The following CHST8 variants were observed in gnomAD, a reference collection of about 807,000 sequenced individuals.
CHST8 encodes carbohydrate sulfotransferase 8, also known as GALNAC-4-ST1.
In CHST8, 10 loss-of-function variants were observed where a neutral mutation model predicts 15.0. The observed-to-expected ratio is 0.67, with a 90% CI of 0.41 to 1.13. CHST8 has a LOEUF of 1.13. Among genes scored for constraint, CHST8 ranks in the 50% most tolerant of loss-of-function variants. The pLI, the probability that CHST8 is intolerant of heterozygous loss-of-function variation, is 0.00. For missense variants in CHST8, 634 were observed against 608.2 expected, an observed-to-expected ratio of 1.04 and a Z score of -0.45; for synonymous variants, 259 against 256.6, an observed-to-expected ratio of 1.01 and a Z score of -0.09.
intron 3 of CHST8, among the ~76,000 whole-genome samples, chr19:33,737,321 C>T (rs1198531810): frequency 6.6e-6 from 1 of 152,186 alleles, no homozygotes; most frequent in Non-Finnish European, 1.5e-5. Flanking sequence ...AGCCAAGAAC[C>T]CACTTGGCCT....
At chr19:33,724,348 C>T (rs1381720293) in intron 3 of CHST8, among the ~76,000 whole-genome samples, 5 of 152,162 alleles carry the variant, frequency 3.3e-5, no homozygotes, top group African/African-American at 1.2e-4. Flanking sequence ...AGCCCCCACC[C>T]GGGGGTCAGG....
At chr19:33,643,394 C>G (rs192995442) in intron 1 of CHST8, among the ~76,000 whole-genome samples, 140 of 152,308 alleles carry the variant, frequency 9.2e-4, no homozygotes, top group Non-Finnish European at 1.7e-3. Context: ...ACAAATCTAC[C>G]AGTTCTCTGC....
intron 3 of CHST8, among the ~76,000 whole-genome samples, chr19:33,743,122 A>G (rs1974230320): frequency 6.6e-6 from 1 of 151,792 alleles, no homozygotes; most frequent in Non-Finnish European, 1.5e-5. Flanking sequence ...AACACAACAT[A>G]TGCCCCCTGA....
chr19:33,622,670 G>A (rs905588376), intron 1 of CHST8, among the ~76,000 whole-genome samples: 2 of 152,136 alleles, frequency 1.3e-5, no homozygotes, highest in African/African-American at 4.8e-5. Flanking sequence ...CGAGCGCCGA[G>A]GGCCAGGCAG....
intron 3 of CHST8, among the ~76,000 whole-genome samples, chr19:33,760,448 G>A (rs1051580041): frequency 6.6e-6 from 1 of 151,648 alleles, no homozygotes; most frequent in African/African-American, 2.4e-5. Flanking sequence ...CTTCTGAGCA[G>A]CTGGGACTAC....
chr19:33,742,695 C>G (rs1974220453), intron 3 of CHST8, among the ~76,000 whole-genome samples: 1 of 152,188 alleles, frequency 6.6e-6, no homozygotes, highest in Non-Finnish European at 1.5e-5. Flanking sequence ...GATCACCCCT[C>G]CTTGATTTGT....
chr19:33,627,592 ATTTC>A (rs1488002271), intron 1 of CHST8, among the ~76,000 whole-genome samples: 1 of 152,134 alleles, frequency 6.6e-6, no homozygotes, highest in Non-Finnish European at 1.5e-5. Context: ...GGGAAATAGT[ATTTC>A]TTGGTGCTGG....
chr19:33,767,315 C>T (rs1335100933), intron 3 of CHST8, among the ~76,000 whole-genome samples: 2 of 152,246 alleles, frequency 1.3e-5, no homozygotes, highest in Non-Finnish European at 2.9e-5. Context: ...TGGCACCCTG[C>T]AGGTCTTCCT....
chr19:33,703,196 G>A (rs1973379104), intron 3 of CHST8, among the ~76,000 whole-genome samples: 2 of 152,210 alleles, frequency 1.3e-5, no homozygotes, highest in Non-Finnish European at 2.9e-5. Flanking sequence ...CCTTCCCCCA[G>A]CCTCACTTGG....
chr19:33,623,293 C>A (rs573187209), intron 1 of CHST8, among the ~76,000 whole-genome samples: 14 of 152,346 alleles, frequency 9.2e-5, no homozygotes, highest in South Asian at 8.3e-4. Context: ...CTCTGTCCTG[C>A]AGTCGTCTCC....
intron 2 of CHST8, among the ~76,000 whole-genome samples, chr19:33,687,165 T>G (rs928262167): frequency 6.6e-6 from 1 of 152,210 alleles, no homozygotes; most frequent in Non-Finnish European, 1.5e-5. Context: ...GACTCTGCAG[T>G]GCAGTGCTGT....
Position 33,772,700 on chromosome 19 carries a change from T to C in CHST8, c.912T>C (p.Ser304=), listed in dbSNP as rs750418014. 3 of 1,613,384 alleles carry C rather than the reference T, an allele frequency of 1.9e-6. No homozygotes were observed. The highest frequency in any genetic ancestry group is 2.7e-5 in the African/African-American group (2 of 74,938). The change falls in exon 5 of 5, where the codon TCT becomes TCC. Residue 304 remains serine (S), a synonymous_variant. Transcript: ENST00000650847. ...CTCGGGAGGCCCTGCGGACCGGCTC[T>C]GGGGTGCGTTTTCCCGAGTTCGTCC... ...NASREALRTG[S]GVRFPEFVQY...
At chr19:33,669,327 A>G (rs1346322672) in intron 2 of CHST8, among the ~76,000 whole-genome samples, 4 of 152,194 alleles carry the variant, frequency 2.6e-5, no homozygotes, top group Non-Finnish European at 5.9e-5. Context: ...TTTTGGGTGT[A>G]GCTGAAAATG....
At chr19:33,625,794 A>T (rs1469115356) in intron 1 of CHST8, among the ~76,000 whole-genome samples, 3 of 152,294 alleles carry the variant, frequency 2.0e-5, no homozygotes, top group African/African-American at 2.4e-5. Flanking sequence ...CCTGGGAGAC[A>T]GAAGTTGCAG....
chr19:33,668,858 T>C (rs1473009682), intron 2 of CHST8, among the ~76,000 whole-genome samples: 1 of 152,148 alleles, frequency 6.6e-6, no homozygotes, highest in East Asian at 1.9e-4. Flanking sequence ...CCATTTATAC[T>C]GTGGTTCCCA....
intron 3 of CHST8, among the ~76,000 whole-genome samples, chr19:33,737,741 G>A (rs991989112): frequency 6.6e-6 from 1 of 152,084 alleles, no homozygotes; most frequent in Non-Finnish European, 1.5e-5. Context: ...CCCTTCCTTT[G>A]AGCTTCCCCC....
intron 1 of CHST8, among the ~76,000 whole-genome samples, chr19:33,624,608 GAA>G (rs1346545909): frequency 1.3e-5 from 2 of 152,206 alleles, no homozygotes; most frequent in Non-Finnish European, 2.9e-5. Context: ...TGGTTGTTGA[GAA>G]AGTGTGTCTG....
intron 1 of CHST8, among the ~76,000 whole-genome samples, chr19:33,626,279 G>A (rs1474991032): frequency 1.3e-5 from 2 of 152,122 alleles, no homozygotes; most frequent in Non-Finnish European, 2.9e-5. Context: ...GTTCTAGCCT[G>A]CACTGGCTGG....
intron 1 of CHST8, among the ~76,000 whole-genome samples, chr19:33,648,195 C>G (rs570139092): frequency 3.3e-5 from 5 of 152,218 alleles, no homozygotes; most frequent in African/African-American, 1.2e-4. Context: ...TCCTCTCTCT[C>G]TCTCTCCTCT....
Sources: allele counts gnomAD v4.1 joint callset (sites outside exome capture counted in the v4.1 genomes callset), GRCh38; gene constraint gnomAD v4.1.1; transcripts MANE v1.5; gene names NCBI Gene and HGNC (gene_info 2026-07-23, HGNC 2026-07-21).